The following SOS2 variants were observed in gnomAD, a reference collection of about 807,000 sequenced individuals.
The protein encoded by SOS2 is son of sevenless homolog 2.
A neutral mutation model predicts 148.2 loss-of-function variants in SOS2; 65 were observed. The observed-to-expected ratio is 0.44, with a 90% CI of 0.36 to 0.54. The LOEUF (loss-of-function observed/expected upper bound fraction) is 0.54. Among genes scored for constraint, SOS2 ranks in the 20% least tolerant of loss-of-function variants. The pLI is 0.00. For synonymous variants in SOS2, 539 were observed against 537.1 expected (o/e 1.00, Z -0.05); for missense variants, 1,341 against 1,590.2 (o/e 0.84, Z 2.67).
intron 21 of SOS2, among the ~76,000 whole-genome samples, chr14:50,125,634 G>C (rs1883658337): frequency 6.6e-6 from 1 of 151,990 alleles, no homozygotes; most frequent in Non-Finnish European, 1.5e-5. Context: ...CTGACAAGCA[G>C]CAGCAAATCT....
intron 8 of SOS2, among the ~76,000 whole-genome samples, chr14:50,173,083 A>G (rs1885419208): frequency 2.6e-5 from 4 of 151,838 alleles, no homozygotes; most frequent in Admixed American, 2.6e-4. Flanking sequence ...TGATCCTCCT[A>G]TCTCAGCCTC....
At chr14:50,129,877 C>T in intron 21 of SOS2, 84 bp downstream of exon 21, 2 of 836,776 alleles carry the variant, frequency 2.4e-6, no homozygotes, top group Non-Finnish European at 3.8e-6. Flanking sequence ...TTAATATTGC[C>T]AAAACTCAAA....
At chr14:50,166,409 T>G (rs1485603763) in intron 8 of SOS2, among the ~76,000 whole-genome samples, 1 of 152,062 alleles carries the variant, frequency 6.6e-6, no homozygotes, top group Non-Finnish European at 1.5e-5. Flanking sequence ...TTGAATTTTT[T>G]GTAGAGATGG....
chr14:50,148,938 C>G (rs896310202), intron 14 of SOS2, among the ~76,000 whole-genome samples: 2 of 152,298 alleles, frequency 1.3e-5, no homozygotes, highest in African/African-American at 4.8e-5. Context: ...CTCTGTCACT[C>G]AAGCTGGAGT....
rs377390077 is a variant in SOS2, at chr14:50,174,568, A to G, written c.970-16T>C. On this transcript the variant is annotated splice_polypyrimidine_tract_variant and intron_variant, in intron 7 of 22. Transcript: ENST00000216373. ...CAGCAATGGACTGCAAAGCAAAAAG[A>G]TATCACAGTATGTATGTCTCTGACA... 3.4e-6 allele frequency: 5 copies of G among 1,484,790 alleles called. No individual in the cohort carries two copies. The African/African-American group carries it at 4.1e-5, about 12-fold the overall frequency. 92.0% of individuals were successfully genotyped at this position (1,484,790 alleles called of 1,614,324 possible). A position where few individuals can be genotyped will look rare whatever the true frequency, so the allele number is the denominator to read the frequency against.
At chr14:50,182,282 C>G (rs1885768848) in intron 6 of SOS2, among the ~76,000 whole-genome samples, 181 bp downstream of exon 6, 1 of 126,432 alleles carries the variant, frequency 7.9e-6, no homozygotes, top group African/African-American at 3.3e-5. Context: ...GCTTGATCTC[C>G]CAGGCTTCCT....
rs1429472283 is a variant in SOS2, at chr14:50,139,337, T to C, written c.2786-553A>G. On this transcript the variant is annotated intron_variant, in intron 17 of 22. Coordinates refer to ENST00000216373, the MANE Select transcript of SOS2 (RefSeq NM_006939.4). ...ATTGCTGATTCATTTAAATTGGTGG[T>C]TCTCAGCTGGGGACAATTTAGTCCC... Among the ~76,000 whole-genome samples the C allele has an allele frequency of 2.0e-5, 3 of 152,198 alleles. No homozygotes were observed. In the East Asian group the frequency reaches 5.8e-4, roughly 29 times the overall value.
chr14:50,224,935 T>C (rs2139869600), intron 1 of SOS2, among the ~76,000 whole-genome samples: 1 of 147,094 alleles, frequency 6.8e-6, no homozygotes, highest in East Asian at 2.0e-4. Flanking sequence ...GTTTACAAAA[T>C]GACCTAATGA....
At position 50,137,101 on chromosome 14, in the gene SOS2, T is replaced by C. The variant is rs551475588; in HGVS notation, c.2958+1511A>G. Among the ~76,000 whole-genome samples, 12 of 152,302 alleles carry C rather than the reference T, an allele frequency of 7.9e-5. No individual in the cohort carries two copies. The East Asian group carries it at 2.1e-3, about 27-fold the overall frequency. On this transcript the variant is annotated intron_variant, in intron 18 of 22. Coordinates refer to ENST00000216373, the MANE Select transcript of SOS2 (RefSeq NM_006939.4). The stretch of plus-strand genomic sequence containing the variant: ...AATATGACACGTAAACTTATTCTGG[T>C]TGATAGTTATAATATGTTCCCAAGT...
chr14:50,182,617 AGAAG>A lies in SOS2; in HGVS notation c.715-15_715-12del, dbSNP rs1235345081. On this transcript the variant is annotated splice_polypyrimidine_tract_variant and intron_variant, in intron 5 of 22. Transcript: ENST00000216373. ...AATCTTTTCGATATCCTGAAAAAAG[AGAAG>A]GAAGGTTAAGAAATGTGAGATTGAG... 5 of 1,592,386 alleles carry A rather than the reference AGAAG, an allele frequency of 3.1e-6. No individual in the cohort carries two copies. Among genetic ancestry groups the A allele is most frequent in the Admixed American group, 3.4e-5 (2 of 59,064 alleles).
In SOS2 at chr14:50,118,533, T is replaced by C; in HGVS notation, c.3810A>G (p.Val1270=). The change falls in exon 23 of 23, where the codon GTA becomes GTG. Residue 1270 remains valine (V), a synonymous_variant. Coordinates refer to ENST00000216373, the MANE Select transcript of SOS2 (RefSeq NM_006939.4). Reference sequence around the variant, plus strand: ...AACTGAGCACATAGCATCGACGCGGTACCCTTGGAGAGGGTGTGCTAGGAG... The same window carrying C: ...AACTGAGCACATAGCATCGACGCGGCACCCTTGGAGAGGGTGTGCTAGGAG... ...STPPSTPSPR[V]PRRCYVLSSS... 2 of 1,614,050 alleles carry C rather than the reference T, an allele frequency of 1.2e-6. No homozygotes were observed. The highest frequency in any genetic ancestry group is 1.7e-6 in the Non-Finnish European group (2 of 1,179,908).
chr14:50,130,278 A>T (rs898698452), intron 20 of SOS2, among the ~76,000 whole-genome samples: 1 of 152,206 alleles, frequency 6.6e-6, no homozygotes, highest in African/African-American at 2.4e-5. Flanking sequence ...CCCAAAAGGT[A>T]CTAAACAAAT....
At chr14:50,128,426 A>AAACC (rs386381334) in intron 21 of SOS2, among the ~76,000 whole-genome samples, 1 of 151,930 alleles carries the variant, frequency 6.6e-6, no homozygotes, top group Admixed American at 6.6e-5. Flanking sequence ...ACATACAAAC[A>AAACC]AACCTAAACA....
chr14:50,216,400 T>C (rs1487592211), intron 1 of SOS2, among the ~76,000 whole-genome samples: 1 of 152,034 alleles, frequency 6.6e-6, no homozygotes, highest in East Asian at 1.9e-4. Context: ...CCCAGCCCAT[T>C]ATGAAATATT....
At chr14:50,217,353 A>G (rs1375601039) in intron 1 of SOS2, among the ~76,000 whole-genome samples, 1 of 152,152 alleles carries the variant, frequency 6.6e-6, no homozygotes, top group Non-Finnish European at 1.5e-5. Flanking sequence ...TTTAAAAAAG[A>G]AAAAGTGATT....
intron 1 of SOS2, among the ~76,000 whole-genome samples, chr14:50,221,226 A>T (rs981553063): frequency 6.6e-6 from 1 of 152,248 alleles, no homozygotes; most frequent in Non-Finnish European, 1.5e-5. Context: ...GAAGAAAAAT[A>T]AAATTGAAAA....
intron 8 of SOS2, 152 bp downstream of exon 8, chr14:50,174,302 T>C (rs1885457595): frequency 7.2e-6 from 3 of 418,750 alleles, no homozygotes; most frequent in Middle Eastern, 6.1e-4. Context: ...GATAACAAGA[T>C]AGAAATTTAG....
intron 4 of SOS2, among the ~76,000 whole-genome samples, chr14:50,189,763 A>G (rs2139740426): frequency 6.6e-6 from 1 of 152,344 alleles, no homozygotes; most frequent in Non-Finnish European, 1.5e-5. Context: ...TTCTTTCAGA[A>G]ATGCTACCAT....
intron 1 of SOS2, among the ~76,000 whole-genome samples, chr14:50,212,553 T>C (rs550567479): frequency 6.6e-6 from 1 of 152,346 alleles, no homozygotes; most frequent in South Asian, 2.1e-4. Context: ...GTGCTGACAA[T>C]GTTCTGTCTT....
Sources: gnomAD v4.1 joint callset for allele counts (sites outside exome capture counted in the v4.1 genomes callset) on GRCh38, gnomAD v4.1.1 for gene constraint, MANE v1.5 for transcripts, NCBI Gene and HGNC (gene_info 2026-07-23, HGNC 2026-07-21) for gene names.